Variants in TLX2 observed in about 807,000 individuals in gnomAD.
The protein encoded by TLX2 is T cell leukemia homeobox 2, also known as T-cell leukemia homeobox protein 2.
TLX2 carries 15 observed loss-of-function variants against 21.7 expected under a neutral mutation model. That is an observed-to-expected ratio of 0.69 (90% CI 0.46 to 1.07). TLX2 has a LOEUF of 1.07. Among genes scored for constraint, TLX2 ranks in the 50% least tolerant of loss-of-function variants. TLX2 has a pLI of 0.00. For synonymous variants in TLX2, 213 were observed against 193.1 expected, an observed-to-expected ratio of 1.10 and a Z score of -0.85; for missense variants, 384 against 409.1, an observed-to-expected ratio of 0.94 and a Z score of 0.53.
In TLX2 at chr2:74,514,810, G is replaced by C; in HGVS notation, c.4G>C (p.Glu2Gln). 1 of 1,612,672 alleles carries C rather than the reference G, an allele frequency of 6.2e-7. No individual in the cohort carries two copies. Among genetic ancestry groups the C allele is most frequent in the Non-Finnish European group, 8.5e-7 (1 of 1,179,654 alleles). MEPGMLGPHNLP... is the reference protein window; with the variant it reads MQPGMLGPHNLP... Reference sequence around the variant, plus strand: ...CGGTTCTCCTCGGCCCAGACCGATGGAGCCGGGGATGCTGGGTCCACACAA... The same window carrying C: ...CGGTTCTCCTCGGCCCAGACCGATGCAGCCGGGGATGCTGGGTCCACACAA... The change falls in exon 1 of 3, where the codon GAG (glutamate) becomes CAG (glutamine). Residue 2 changes from glutamate (E) to glutamine (Q), a missense_variant. By Grantham distance (29) the Glu-to-Gln change is conservative. Coordinates refer to ENST00000233638, the MANE Select transcript of TLX2 (RefSeq NM_016170.5). This position sits in a 1 kb window ranked among gnomAD's most constrained non-coding sequence, Gnocchi z 5.0.
rs1674853683 is a variant in TLX2, at chr2:74,515,215, GTCTGACCCCTCCAGCGTCACGCCCGAC to G, written c.400+19_400+45del. ...CAAGGACCGGCTCACGGGTGAGGTT[GTCTGACCCCTCCAGCGTCACGCCCGAC>G]TCTGACCCCGTCTCCTCATTTCTTA... On this transcript the variant is annotated intron_variant, in intron 1 of 2. Transcript: ENST00000233638. This position sits in a 1 kb window ranked among gnomAD's most constrained non-coding sequence, Gnocchi z 6.6. 1.9e-6 allele frequency: 3 copies of G among 1,539,332 alleles called. No homozygotes were observed. The highest frequency in any genetic ancestry group is 2.6e-6 in the Non-Finnish European group (3 of 1,147,830).
chr2:74,515,279 C>A lies in TLX2; in HGVS notation c.400+73C>A. ...CTCCTCATTTCTTAGCTTTCTGCTC[C>A]AACTCAAGGACCCCTTTCACACCTC... On this transcript the variant is annotated intron_variant, in intron 1 of 2. Transcript: ENST00000233638. The surrounding 1 kb of genome is among the most constrained non-coding windows in gnomAD (Gnocchi z 6.6). The A allele has an allele frequency of 6.5e-7, 1 of 1,533,686 alleles. No homozygotes were observed. Among genetic ancestry groups the A allele is most frequent in the South Asian group, 1.2e-5 (1 of 83,676 alleles).
At position 74,516,164 on chromosome 2, in the gene TLX2, T is replaced by C. The variant is rs1188569426; in HGVS notation, c.830T>C (p.Val277Ala). Reference protein sequence around the residue: ...PWAEDNKVASVSGLASVV With the variant: ...PWAEDNKVASASGLASVV The stretch of plus-strand genomic sequence containing the variant: ...GCCGAGGACAACAAAGTGGCTTCAG[T>C]GTCCGGGCTCGCCTCGGTGGTGTGA... Residue 277 changes from valine (V) to alanine (A), a missense_variant, in exon 3 of 3, where the codon GTG becomes GCG. By Grantham distance (64) the Val-to-Ala change is moderately conservative. Coordinates refer to ENST00000233638, the MANE Select transcript of TLX2 (RefSeq NM_016170.5). 2 of 1,610,528 alleles carry C rather than the reference T, an allele frequency of 1.2e-6. No homozygotes were observed. Among genetic ancestry groups the C allele is most frequent in the Admixed American group, 3.3e-5 (2 of 59,922 alleles).
At position 74,515,162 on chromosome 2, in the gene TLX2, C is replaced by A; in HGVS notation, c.356C>A (p.Pro119His). ...GAGGLAGLTF[P>H]WMDSGRRFAK... ...GGAGGCCTAGCGGGACTCACCTTCCCCTGGATGGACAGCGGCCGCCGCTTT... is the reference window on the plus strand; with the variant it reads ...GGAGGCCTAGCGGGACTCACCTTCCACTGGATGGACAGCGGCCGCCGCTTT... The change falls in exon 1 of 3, where the codon CCC (proline) becomes CAC (histidine). Residue 119 changes from proline to histidine, a missense_variant. Transcript: ENST00000233638. This position sits in a 1 kb window ranked among gnomAD's most constrained non-coding sequence, Gnocchi z 6.6. 6.5e-7 allele frequency: 1 copy of A among 1,541,866 alleles called. No homozygotes were observed. The highest frequency in any genetic ancestry group is 8.7e-7 in the Non-Finnish European group (1 of 1,147,116).
At position 74,515,111 on chromosome 2, in the gene TLX2, C is replaced by T. The variant is rs1173100368; in HGVS notation, c.305C>T (p.Pro102Leu). ...PPPAGGAPAV[P>L]GPSGLGGAGG... ...CCCGCTGGGGGGGCGCCTGCAGTGC[C>T]TGGGCCCTCGGGTTTGGGCGGCGCC... is the stretch of plus-strand genomic sequence containing the variant. The change falls in exon 1 of 3, where the codon CCT becomes CTT. Residue 102 changes from proline to leucine, a missense_variant. Pro to Leu is a moderately conservative substitution (Grantham distance 98, BLOSUM62 -3). Coordinates refer to ENST00000233638, the MANE Select transcript of TLX2 (RefSeq NM_016170.5). This position sits in a 1 kb window ranked among gnomAD's most constrained non-coding sequence, Gnocchi z 6.6. The T allele has an allele frequency of 4.5e-6, 7 of 1,539,576 alleles. No homozygotes were observed. Among genetic ancestry groups the T allele is most frequent in the Non-Finnish European group, 6.1e-6 (7 of 1,144,620 alleles).
Position 74,514,537 on chromosome 2 carries a change from G to C in TLX2, c.-270G>C. On this transcript the variant is annotated 5_prime_UTR_variant, in exon 1 of 3. Transcript: ENST00000233638. The surrounding 1 kb of genome is among the most constrained non-coding windows in gnomAD (Gnocchi z 5.0). ...CAGCCCAGCGTCTATTTGCGCTTAAGAGCCAGCAAGGAAGCTCCAGGGGCC... is the reference window on the plus strand; with the variant it reads ...CAGCCCAGCGTCTATTTGCGCTTAACAGCCAGCAAGGAAGCTCCAGGGGCC... 7.4e-7 allele frequency: 1 copy of C among 1,357,400 alleles called. No individual in the cohort carries two copies. The allele number at this position is 1,357,400 out of a possible 1,614,324, so 84.1% of individuals were successfully genotyped here. A position where few individuals can be genotyped will look rare whatever the true frequency, so the allele number is the denominator to read the frequency against.
Position 74,514,609 on chromosome 2 carries a change from C to A in TLX2, c.-198C>A, listed in dbSNP as rs1339315332. On this transcript the variant is annotated 5_prime_UTR_variant, in exon 1 of 3. Transcript: ENST00000233638. This position sits in a 1 kb window ranked among gnomAD's most constrained non-coding sequence, Gnocchi z 5.0. ...GGATGCAAGTCCCTGCGCTGACGCC[C>A]GGCAGCGGCTGGCACGGGCGCGGCT... 4 of 1,415,546 alleles carry A rather than the reference C, an allele frequency of 2.8e-6. No homozygotes were observed. In the African/African-American group the frequency reaches 4.6e-5, roughly 16 times the overall value. The allele number at this position is 1,415,546 out of a possible 1,614,324, so 87.7% of individuals were successfully genotyped here.
In TLX2 at chr2:74,514,504, G is replaced by C; in HGVS notation, c.-303G>C. The stretch of plus-strand genomic sequence containing the variant: ...CCTCTCCACCCGGGACTTGGGCAGC[G>C]GCGCCGGCAGCCCAGCGTCTATTTG... On this transcript the variant is annotated 5_prime_UTR_variant, in exon 1 of 3. Transcript: ENST00000233638. The surrounding 1 kb of genome is among the most constrained non-coding windows in gnomAD (Gnocchi z 5.0). 2 of 1,258,972 alleles carry C rather than the reference G, an allele frequency of 1.6e-6. No homozygotes were observed. Among genetic ancestry groups the C allele is most frequent in the Non-Finnish European group, 2.0e-6 (2 of 994,100 alleles). The allele number at this position is 1,258,972 out of a possible 1,614,324, so 78.0% of individuals were successfully genotyped here.
rs1275579345 is a variant in TLX2 at position 74,515,202 on chromosome 2, C to G, written c.396C>G (p.Leu132=). The G allele has an allele frequency of 6.5e-7, 1 of 1,540,498 alleles. No homozygotes were observed. Among genetic ancestry groups the G allele is most frequent in the South Asian group, 1.2e-5 (1 of 84,306 alleles). The change falls in exon 1 of 3, where the codon CTC becomes CTG. Residue 132 remains leucine (L), a synonymous_variant. Coordinates refer to ENST00000233638, the MANE Select transcript of TLX2 (RefSeq NM_016170.5). This position sits in a 1 kb window ranked among gnomAD's most constrained non-coding sequence, Gnocchi z 6.6. ...GCCGCCGCTTTGCCAAGGACCGGCT[C>G]ACGGGTGAGGTTGTCTGACCCCTCC... ...DSGRRFAKDR[L]TAALSPFSGT...
chr2:74,516,564 G>A lies in TLX2; in HGVS notation c.*375G>A, dbSNP rs531533336. 1.0e-5 allele frequency: 12 copies of A among 1,164,388 alleles called. No individual in the cohort carries two copies. The African/African-American group carries it at 1.3e-4, about 13-fold the overall frequency. 72.1% of individuals were successfully genotyped at this position (1,164,388 alleles called of 1,614,324 possible). Reference sequence around the variant, plus strand: ...GGTGGTCGGGAGCTGGGGCTCTGAGGGGCTCTAGCGGCGTTGCGCGCGGTG... The same window carrying A: ...GGTGGTCGGGAGCTGGGGCTCTGAGAGGCTCTAGCGGCGTTGCGCGCGGTG... On this transcript the variant is annotated 3_prime_UTR_variant, in exon 3 of 3. Transcript: ENST00000233638.
rs778371966 is a variant in TLX2 at position 74,515,829 on chromosome 2, A to C, written c.597A>C (p.Ala199=). Residue 199 remains alanine (A), a synonymous_variant, in exon 2 of 3, where the codon GCA becomes GCC. Coordinates refer to ENST00000233638, the MANE Select transcript of TLX2 (RefSeq NM_016170.5). The surrounding 1 kb of genome is among the most constrained non-coding windows in gnomAD (Gnocchi z 6.6). The stretch of plus-strand genomic sequence containing the variant: ...CCAAGGCCTTGCGCATGACCGACGC[A>C]CAGGTCAAAACGTGGTTCCAGAACC... The part of the protein sequence containing the change: ...ALAKALRMTD[A]QVKTWFQNRR... 6.2e-7 allele frequency: 1 copy of C among 1,612,376 alleles called. No individual in the cohort carries two copies. The highest frequency in any genetic ancestry group is 8.5e-7 in the Non-Finnish European group (1 of 1,179,616).
chr2:74,514,485 C>T lies in TLX2; in HGVS notation c.-322C>T. 5 of 1,269,374 alleles carry T rather than the reference C, an allele frequency of 3.9e-6. No homozygotes were observed. Among genetic ancestry groups the T allele is most frequent in the South Asian group, 1.6e-5 (1 of 63,920 alleles). 78.6% of individuals were successfully genotyped at this position (1,269,374 alleles called of 1,614,324 possible). A position where few individuals can be genotyped will look rare whatever the true frequency, so the allele number is the denominator to read the frequency against. On this transcript the variant is annotated 5_prime_UTR_variant, in exon 1 of 3. Transcript: ENST00000233638. This position sits in a 1 kb window ranked among gnomAD's most constrained non-coding sequence, Gnocchi z 5.0. ...CCAGCCGGAGCTGGCCAACCCTCTC[C>T]ACCCGGGACTTGGGCAGCGGCGCCG...
Position 74,515,813 on chromosome 2 carries a change from T to G in TLX2, c.581T>G (p.Leu194Trp). ...GAGAGGGCGGCGCTGGCCAAGGCCT[T>G]GCGCATGACCGACGCACAGGTCAAA... is the stretch of plus-strand genomic sequence containing the variant. Reference protein sequence around the residue: ...SAERAALAKALRMTDAQVKTW... With the variant: ...SAERAALAKAWRMTDAQVKTW... The change falls in exon 2 of 3, where the codon TTG (leucine) becomes TGG (tryptophan). Residue 194 changes from leucine to tryptophan, a missense_variant. By Grantham distance (61) the Leu-to-Trp change is moderately conservative. Transcript: ENST00000233638. The surrounding 1 kb of genome is among the most constrained non-coding windows in gnomAD (Gnocchi z 6.6). 6.2e-7 allele frequency: 1 copy of G among 1,612,766 alleles called. No individual in the cohort carries two copies. The highest frequency in any genetic ancestry group is 8.5e-7 in the Non-Finnish European group (1 of 1,179,794).
Position 74,515,332 on chromosome 2 carries a change from C to T in TLX2, c.400+126C>T. On this transcript the variant is annotated intron_variant, in intron 1 of 2. Transcript: ENST00000233638. This position sits in a 1 kb window ranked among gnomAD's most constrained non-coding sequence, Gnocchi z 6.6. ...ACTAGATCCTCCCAGGGGATCCTCCCCCAACTCAAATCTCTGGGTCCTGCC... is the reference window on the plus strand; with the variant it reads ...ACTAGATCCTCCCAGGGGATCCTCCTCCAACTCAAATCTCTGGGTCCTGCC... 2 of 1,506,510 alleles carry T rather than the reference C, an allele frequency of 1.3e-6. No individual in the cohort carries two copies. The highest frequency in any genetic ancestry group is 1.8e-6 in the Non-Finnish European group (2 of 1,131,044). 93.3% of individuals were successfully genotyped at this position (1,506,510 alleles called of 1,614,324 possible). A position where few individuals can be genotyped will look rare whatever the true frequency, so the allele number is the denominator to read the frequency against.
Position 74,516,356 on chromosome 2 carries a change from G to A in TLX2, c.*167G>A, listed in dbSNP as rs933488124. The A allele has an allele frequency of 2.6e-6, 4 of 1,518,514 alleles. No individual in the cohort carries two copies. Among genetic ancestry groups the A allele is most frequent in the African/African-American group, 1.4e-5 (1 of 71,902 alleles). The allele number at this position is 1,518,514 out of a possible 1,614,324, so 94.1% of individuals were successfully genotyped here. On this transcript the variant is annotated 3_prime_UTR_variant, in exon 3 of 3. Coordinates refer to ENST00000233638, the MANE Select transcript of TLX2 (RefSeq NM_016170.5). ...CCGGCTCCCAAGCCAGCGTTGCGCA[G>A]ATGCACGGCCAGCTCAGAGGCGGCC...
chr2:74,514,570 G>A lies in TLX2; in HGVS notation c.-237G>A, dbSNP rs980294195. ...AAGGAAGCTCCAGGGGCCCCAGCTG[G>A]CCGTGCTCCCCCGGGATGCAAGTCC... On this transcript the variant is annotated 5_prime_UTR_variant, in exon 1 of 3. Transcript: ENST00000233638. This position sits in a 1 kb window ranked among gnomAD's most constrained non-coding sequence, Gnocchi z 5.0. 9 of 1,399,122 alleles carry A rather than the reference G, an allele frequency of 6.4e-6. No homozygotes were observed. Among genetic ancestry groups the A allele is most frequent in the Middle Eastern group, 2.7e-4 (1 of 3,746 alleles). The allele number at this position is 1,399,122 out of a possible 1,614,324, so 86.7% of individuals were successfully genotyped here.
Position 74,516,228 on chromosome 2 carries a change from A to T in TLX2, c.*39A>T, listed in dbSNP as rs1013423909. ...GATCGGCGTGGAGCGCCGGGCCCGG[A>T]GCGGTGGAGCGCGCGGCTGCCTGCG... On this transcript the variant is annotated 3_prime_UTR_variant, in exon 3 of 3. Transcript: ENST00000233638. 1 of 1,586,264 alleles carries T rather than the reference A, an allele frequency of 6.3e-7. No individual in the cohort carries two copies. The highest frequency in any genetic ancestry group is 1.3e-5 in the African/African-American group (1 of 74,250).
Position 74,515,005 on chromosome 2 carries a change from GC to G in TLX2, c.203del (p.Pro68ArgfsTer13). The G allele has an allele frequency of 6.5e-7, 1 of 1,533,176 alleles. No individual in the cohort carries two copies. Among genetic ancestry groups the G allele is most frequent in the Non-Finnish European group, 8.8e-7 (1 of 1,140,888 alleles). 95.0% of individuals were successfully genotyped at this position (1,533,176 alleles called of 1,614,324 possible). A position where few individuals can be genotyped will look rare whatever the true frequency, so the allele number is the denominator to read the frequency against. On this transcript the variant is annotated frameshift_variant, in exon 1 of 3. Transcript: ENST00000233638. LOFTEE classifies it high-confidence loss of function. The surrounding 1 kb of genome is among the most constrained non-coding windows in gnomAD (Gnocchi z 6.6). Reference sequence around the variant, plus strand: ...GGGCTACGGTCCCGCCGGCTCACTTGCCCCGCTGCCCGGCAGCTCCGGAGTG... The same window carrying G: ...GGGCTACGGTCCCGCCGGCTCACTTGCCCGCTGCCCGGCAGCTCCGGAGTG... ...ASGYGPAGSLAPLPGSSGVGP... is the reference protein window; with the variant it reads ...ASGYGPAGSLXPLPGSSGVGP...
At position 74,514,613 on chromosome 2, in the gene TLX2, A is replaced by G; in HGVS notation, c.-194A>G. 7.1e-7 allele frequency: 1 copy of G among 1,414,480 alleles called. No homozygotes were observed. Among genetic ancestry groups the G allele is most frequent in the South Asian group, 1.5e-5 (1 of 65,330 alleles). 87.6% of individuals were successfully genotyped at this position (1,414,480 alleles called of 1,614,324 possible). ...GCAAGTCCCTGCGCTGACGCCCGGCAGCGGCTGGCACGGGCGCGGCTGCTC... is the reference window on the plus strand; with the variant it reads ...GCAAGTCCCTGCGCTGACGCCCGGCGGCGGCTGGCACGGGCGCGGCTGCTC... On this transcript the variant is annotated 5_prime_UTR_variant, in exon 1 of 3. Transcript: ENST00000233638. The surrounding 1 kb of genome is among the most constrained non-coding windows in gnomAD (Gnocchi z 5.0).
Sources: gnomAD v4.1 joint callset for allele counts on GRCh38, gnomAD v4.1.1 for gene constraint, Gnocchi (gnomAD v3.1) non-coding constraint, MANE v1.5 for transcripts, NCBI Gene and HGNC (gene_info 2026-07-23, HGNC 2026-07-21) for gene names.